AP3M1: variants seen among roughly 807,000 people sequenced by gnomAD.
AP3M1 encodes the protein adaptor related protein complex 3 subunit mu 1.
In AP3M1, 29 loss-of-function variants were observed where a neutral mutation model predicts 42.6. The observed-to-expected ratio is 0.68, with a 90% confidence interval of 0.51 to 0.93. The LOEUF is 0.93. Ranked by LOEUF, AP3M1 falls within the 40% of genes least tolerant of loss-of-function variation. The probability of loss-of-function intolerance (pLI) is 0.00; values close to 1 mark genes in which losing one functional copy is unlikely to be tolerated. For synonymous variants in AP3M1, 178 were observed against 175.3 expected (o/e 1.02, Z -0.12); for missense variants, 416 against 510.2 (o/e 0.82, Z 1.78).
At position 74,123,231 on chromosome 10, in the gene AP3M1, G is replaced by A. The variant is rs940720356; in HGVS notation, c.*579C>T. 5.2e-5 allele frequency: 8 copies of A among 152,930 alleles called. No homozygotes were observed. Among genetic ancestry groups the A allele is most frequent in the African/African-American group, 1.9e-4 (8 of 41,464 alleles). 9.5% of individuals were successfully genotyped at this position (152,930 alleles called of 1,614,324 possible). A position where few individuals can be genotyped will look rare whatever the true frequency, so the allele number is the denominator to read the frequency against. On this transcript the variant is annotated 3_prime_UTR_variant, in exon 9 of 9. Transcript: ENST00000355264. Reference sequence around the variant, plus strand: ...ACCAAGTACAGTGAGAATGGAGCATGGAGCAGCAGTGCTCCCTGCCAGGGC... The same window carrying A: ...ACCAAGTACAGTGAGAATGGAGCATAGAGCAGCAGTGCTCCCTGCCAGGGC...
intron 1 of AP3M1, among the ~76,000 whole-genome samples, chr10:74,149,267 GTTTTTTTTTTTT>G (rs57279906): frequency 3.8e-4 from 23 of 60,086 alleles, no homozygotes; most frequent in African/African-American, 1.3e-3. Context: ...GATACGTAAG[GTTTTTTTTTTTT>G]TTTTTTTTTT....
At chr10:74,135,160 A>G (rs1311756142) in intron 3 of AP3M1, among the ~76,000 whole-genome samples, 1 of 152,222 alleles carries the variant, frequency 6.6e-6, no homozygotes, top group Non-Finnish European at 1.5e-5. Flanking sequence ...TTATGATAAA[A>G]GCTAAATATT....
rs1260493313 is a variant in AP3M1, at chr10:74,121,922, A to G, written c.*1888T>C. ...TAGAGGGAAGGAGCTCCTGGCGTACATTCTACTTGGATAGAAGAGAAGATA... is the reference window on the plus strand; with the variant it reads ...TAGAGGGAAGGAGCTCCTGGCGTACGTTCTACTTGGATAGAAGAGAAGATA... On this transcript the variant is annotated 3_prime_UTR_variant, in exon 9 of 9. Transcript: ENST00000355264. 1.3e-5 allele frequency: 2 copies of G among 152,212 alleles called. No homozygotes were observed. Among genetic ancestry groups the G allele is most frequent in the African/African-American group, 4.8e-5 (2 of 41,448 alleles). 9.4% of individuals were successfully genotyped at this position (152,212 alleles called of 1,614,324 possible). A position where few individuals can be genotyped will look rare whatever the true frequency, so the allele number is the denominator to read the frequency against.
chr10:74,142,751 T>C (rs1175894050), intron 1 of AP3M1, among the ~76,000 whole-genome samples: 1 of 152,240 alleles, frequency 6.6e-6, no homozygotes, highest in East Asian at 1.9e-4. Flanking sequence ...TGGGTATTAA[T>C]ATAAGTGCCA....
intron 4 of AP3M1, among the ~76,000 whole-genome samples, chr10:74,130,848 T>C (rs999909125): frequency 6.6e-6 from 1 of 152,152 alleles, no homozygotes; most frequent in Non-Finnish European, 1.5e-5. Context: ...CAGTGGCTCA[T>C]GCCTGTAATC....
intron 1 of AP3M1, chr10:74,138,957 AAAT>A (rs1841038000): frequency 6.6e-6 from 1 of 151,596 alleles, no homozygotes; most frequent in African/African-American, 2.4e-5. Flanking sequence ...AAAAAAAAAA[AAAT>A]TTCCTTAACC....
intron 6 of AP3M1, among the ~76,000 whole-genome samples, chr10:74,126,958 G>GT (rs1329193870): frequency 2.0e-5 from 2 of 100,176 alleles, no homozygotes; most frequent in Non-Finnish European, 3.6e-5. Context: ...GCAAAGGAGC[G>GT]AGACGCCATC....
intron 1 of AP3M1, among the ~76,000 whole-genome samples, chr10:74,140,129 C>T (rs1202701836): frequency 6.6e-6 from 1 of 152,196 alleles, no homozygotes; most frequent in Non-Finnish European, 1.5e-5. Context: ...AGCCACTCTG[C>T]TGTTCCAAGG....
At chr10:74,145,637 C>A (rs1841305414) in intron 1 of AP3M1, among the ~76,000 whole-genome samples, 3 of 152,148 alleles carry the variant, frequency 2.0e-5, no homozygotes. Context: ...ATTACCACAA[C>A]CATCTTTTTG....
chr10:74,129,891 G>C lies in AP3M1; in HGVS notation c.669+16C>G, dbSNP rs372306041. On this transcript the variant is annotated intron_variant, in intron 5 of 8. Coordinates refer to ENST00000355264, the MANE Select transcript of AP3M1 (RefSeq NM_012095.6). ...TAGGCATTCAAGGGGCTATAAAACAGGAGAATAAAACTTACCATGAAAGAA... is the reference window on the plus strand; with the variant it reads ...TAGGCATTCAAGGGGCTATAAAACACGAGAATAAAACTTACCATGAAAGAA... 5 of 1,579,274 alleles carry C rather than the reference G, an allele frequency of 3.2e-6. No homozygotes were observed. Among genetic ancestry groups the C allele is most frequent in the Non-Finnish European group, 4.4e-6 (5 of 1,148,888 alleles).
At chr10:74,137,132 T>C (rs751001934) in intron 2 of AP3M1, among the ~76,000 whole-genome samples, 9 of 152,008 alleles carry the variant, frequency 5.9e-5, no homozygotes, top group Admixed American at 2.0e-4. Flanking sequence ...CCCAGCTACT[T>C]GGGAGGCTGA....
At position 74,140,549 on chromosome 10, in the gene AP3M1, G is replaced by A. The variant is rs1264760379; in HGVS notation, c.-3-2167C>T. Among the ~76,000 whole-genome samples, 3 of 151,124 alleles carry A rather than the reference G, an allele frequency of 2.0e-5. No homozygotes were observed. The East Asian group carries it at 5.8e-4, about 29-fold the overall frequency. ...TGATTTACTATGAAACAAGAATTGG[G>A]GGGATGCTTACAAAAATATGTAGAA... is the stretch of plus-strand genomic sequence containing the variant. On this transcript the variant is annotated intron_variant, in intron 1 of 8. Transcript: ENST00000355264.
In AP3M1 at chr10:74,134,076, T is replaced by G. The variant is rs1191001611; in HGVS notation, c.534A>C (p.Glu178Asp). 1 of 1,614,176 alleles carries G rather than the reference T, an allele frequency of 6.2e-7. No homozygotes were observed. The highest frequency in any genetic ancestry group is 1.7e-5 in the Admixed American group (1 of 60,026). Reference protein sequence around the residue: ...RRAGVKYTNNEAYFDVVEEID... With the variant: ...RRAGVKYTNNDAYFDVVEEID... ...TTTCTTCAACAACATCAAAATAGGC[T>G]TCATTGTTTGTGTACTTTACCCCTG... The change falls in exon 4 of 9, where the codon GAA becomes GAC. Residue 178 changes from glutamate (E) to aspartate (D), a missense_variant. Physicochemically the swap from Glu to Asp is conservative, Grantham distance 45. Coordinates refer to ENST00000355264, the MANE Select transcript of AP3M1 (RefSeq NM_012095.6).
Position 74,123,708 on chromosome 10 carries a change from G to T in AP3M1, c.*102C>A. 1 of 878,280 alleles carries T rather than the reference G, an allele frequency of 1.1e-6. No individual in the cohort carries two copies. The highest frequency in any genetic ancestry group is 1.9e-6 in the Non-Finnish European group (1 of 527,444). 54.4% of individuals were successfully genotyped at this position (878,280 alleles called of 1,614,324 possible). ...TAGCGGTGTGTAGCTAGACACAAATGCTTTAACTAGAATATGTATTCCCAC... is the reference window on the plus strand; with the variant it reads ...TAGCGGTGTGTAGCTAGACACAAATTCTTTAACTAGAATATGTATTCCCAC... On this transcript the variant is annotated 3_prime_UTR_variant, in exon 9 of 9. Coordinates refer to ENST00000355264, the MANE Select transcript of AP3M1 (RefSeq NM_012095.6).
Position 74,128,437 on chromosome 10 carries a change from C to T in AP3M1, c.803+671G>A, listed in dbSNP as rs148300192. Among the ~76,000 whole-genome samples, 130 of 152,084 alleles carry T rather than the reference C, an allele frequency of 8.5e-4. 1 individual carries two copies. The East Asian group carries it at 0.024, about 28-fold the overall frequency. ...TGTTTTTAGTAGAGACAGGGTTTCA[C>T]CATGTTGACCAGACTGGTCTAGAAC... is the stretch of plus-strand genomic sequence containing the variant. On this transcript the variant is annotated intron_variant, in intron 6 of 8. Coordinates refer to ENST00000355264, the MANE Select transcript of AP3M1 (RefSeq NM_012095.6).
In AP3M1 at chr10:74,123,190, T is replaced by G. The variant is rs1419293663; in HGVS notation, c.*620A>C. The G allele has an allele frequency of 6.6e-6, 1 of 152,670 alleles. No individual in the cohort carries two copies. The highest frequency in any genetic ancestry group is 6.5e-5 in the Admixed American group (1 of 15,276). 9.5% of individuals were successfully genotyped at this position (152,670 alleles called of 1,614,324 possible). On this transcript the variant is annotated 3_prime_UTR_variant, in exon 9 of 9. Transcript: ENST00000355264. Reference sequence around the variant, plus strand: ...TCTAAGCTTTACATAAAAATCTTATTTATAAAAAATACAATACCAAGTACA... The same window carrying G: ...TCTAAGCTTTACATAAAAATCTTATGTATAAAAAATACAATACCAAGTACA...
intron 1 of AP3M1, among the ~76,000 whole-genome samples, chr10:74,146,760 C>T (rs1451646461): frequency 6.6e-6 from 1 of 150,892 alleles, no homozygotes; most frequent in Admixed American, 6.6e-5. Flanking sequence ...AGAATTGAAA[C>T]AAAAGAAAGA....
At chr10:74,137,021 C>T (rs931710150) in intron 2 of AP3M1, among the ~76,000 whole-genome samples, 1 of 152,312 alleles carries the variant, frequency 6.6e-6, no homozygotes, top group South Asian at 2.1e-4. Context: ...GGATGCATCA[C>T]TTGAGGTCAG....
chr10:74,142,485 C>T (rs1285696621), intron 1 of AP3M1, among the ~76,000 whole-genome samples: 2 of 152,138 alleles, frequency 1.3e-5, no homozygotes, highest in South Asian at 4.1e-4. Flanking sequence ...CAGTAGTTAT[C>T]AATAATACTA....
Sources: gnomAD v4.1 joint callset for allele counts (sites outside exome capture counted in the v4.1 genomes callset) on GRCh38, gnomAD v4.1.1 for gene constraint, MANE v1.5 for transcripts, NCBI Gene and HGNC (gene_info 2026-07-23, HGNC 2026-07-21) for gene names.